The following NEB variants were observed in gnomAD, a reference collection of about 807,000 sequenced individuals.
NEB encodes nebulin.
NEB carries 512 observed loss-of-function variants against 952.2 expected under a neutral mutation model. The observed-to-expected ratio is 0.54, with a 90% CI of 0.50 to 0.58. NEB has a LOEUF of 0.58. Ranked by LOEUF, NEB falls within the 20% of genes least tolerant of loss-of-function variation. NEB has a pLI of 0.00. For synonymous variants in NEB, 2,900 were observed against 3,149.8 expected (o/e 0.92, Z 2.66); for missense variants, 8,428 against 9,231.1 (o/e 0.91, Z 3.56).
Position 151,679,827 on chromosome 2 carries a change from T to G in NEB, c.3149A>C (p.Asn1050Thr), listed in dbSNP as rs1162080002. ...AKVNAYNISENMYKADLKDLS... is the reference protein window; with the variant it reads ...AKVNAYNISETMYKADLKDLS... The stretch of plus-strand genomic sequence containing the variant: ...GTCTTTCAAGTCTGCTTTGTACATA[T>G]TCTGAAAGAAAAATGTCATTTAAGT... Residue 1050 changes from asparagine to threonine, a missense_variant and splice_region_variant, in exon 32 of 182, where the codon AAT becomes ACT. Physicochemically the swap from Asn to Thr is moderately conservative, Grantham distance 65. Transcript: ENST00000397345. 1 of 1,613,294 alleles carries G rather than the reference T, an allele frequency of 6.2e-7. No individual in the cohort carries two copies. Among genetic ancestry groups the G allele is most frequent in the East Asian group, 2.2e-5 (1 of 44,876 alleles).
In NEB at chr2:151,725,352, T is replaced by C. The variant is rs4300824; in HGVS notation, c.402+101A>G. ...AGATTTGTGAACTAGCTCATAGTAA[T>C]TCAACTGCTCATTCTCACAGCACAT... On this transcript the variant is annotated intron_variant, in intron 6 of 181. Transcript: ENST00000397345. 768,898 of 904,954 alleles carry C rather than the reference T, an allele frequency of 0.85. 334,622 individuals are homozygous for C. The highest frequency in any genetic ancestry group is 0.91 in the Non-Finnish European group (533,880 of 584,746). The allele number at this position is 904,954 out of a possible 1,614,324, so 56.1% of individuals were successfully genotyped here. A position where few individuals can be genotyped will look rare whatever the true frequency, so the allele number is the denominator to read the frequency against.
chr2:151,725,047 C>T, intron 6 of NEB, 86 bp from the exon 7 acceptor site: 2 of 989,642 alleles, frequency 2.0e-6, no homozygotes, highest in South Asian at 1.4e-5. Context: ...CAGAGCATTA[C>T]CCCAATGACT....
At chr2:151,542,745 T>C (rs996133582) in intron 135 of NEB, among the ~76,000 whole-genome samples, 4 of 152,148 alleles carry the variant, frequency 2.6e-5, no homozygotes, top group Admixed American at 6.5e-5. Context: ...CCCACGTGAG[T>C]CACCCATCTT....
chr2:151,527,883 T>C (rs1376551647), intron 146 of NEB, among the ~76,000 whole-genome samples: 1 of 152,138 alleles, frequency 6.6e-6, no homozygotes, highest in African/African-American at 2.4e-5. Flanking sequence ...CAGAATCGAG[T>C]ACTTTTAATT....
chr2:151,634,720 G>A (rs1195618056), intron 64 of NEB, among the ~76,000 whole-genome samples: 2 of 151,900 alleles, frequency 1.3e-5, no homozygotes, highest in East Asian at 3.9e-4. Flanking sequence ...AGCAACCGAG[G>A]AGAATTTATT....
intron 38 of NEB, 105 bp downstream of exon 38, chr2:151,670,918 G>T: frequency 8.3e-7 from 1 of 1,203,858 alleles, no homozygotes; most frequent in Non-Finnish European, 1.2e-6. Context: ...CAGTTTATTT[G>T]CTAACATAGA....
chr2:151,624,840 A>G (rs1401645624), intron 71 of NEB, among the ~76,000 whole-genome samples: 1 of 152,204 alleles, frequency 6.6e-6, no homozygotes, highest in Non-Finnish European at 1.5e-5. Flanking sequence ...CTATTTATGC[A>G]GCAGTATTTC....
intron 165 of NEB, among the ~76,000 whole-genome samples, chr2:151,504,115 C>T (rs979081182): frequency 1.3e-5 from 2 of 152,092 alleles, no homozygotes; most frequent in African/African-American, 4.8e-5. Context: ...CTCTCTGAGC[C>T]TCCTTAACTC....
Position 151,727,053 on chromosome 2 carries a change from T to TAAA in NEB, c.294+635_294+637dup, listed in dbSNP as rs796713907. On this transcript the variant is annotated intron_variant, in intron 5 of 181. Coordinates refer to ENST00000397345, the MANE Select transcript of NEB (RefSeq NM_001164508.2). ...GGCTACAGAGAAAGATTCTGTTTCT[T>TAAA]AAAAAAAAAAAAAAAAACCTTTCTG... Among the ~76,000 whole-genome samples, 424 of 124,834 alleles carry TAAA rather than the reference T, an allele frequency of 3.4e-3. 2 individuals carry two copies. Among genetic ancestry groups the TAAA allele is most frequent in the African/African-American group, 0.012 (390 of 33,714 alleles). The allele number at this position is 124,834 out of a possible 152,430, so 81.9% of individuals were successfully genotyped here.
chr2:151,717,386 G>T (rs761085771), intron 10 of NEB, 30 bp downstream of exon 10: 8 of 1,392,002 alleles, frequency 5.7e-6, no homozygotes, highest in Admixed American at 2.0e-5. Flanking sequence ...AGTCTTCAAG[G>T]GAGGCAATGT....
intron 167 of NEB, 106 bp downstream of exon 167, chr2:151,502,687 G>T (rs2153099239): frequency 1.4e-6 from 1 of 710,082 alleles, no homozygotes; most frequent in Middle Eastern, 3.8e-4. Flanking sequence ...GTAATATTTG[G>T]TATCATTATT....
At chr2:151,574,304 T>A (rs756460818) in intron 107 of NEB, among the ~76,000 whole-genome samples, 1 of 152,216 alleles carries the variant, frequency 6.6e-6, no homozygotes, top group Non-Finnish European at 1.5e-5. Context: ...TATATTAGCA[T>A]CAATGAGAAT....
rs2099173290 is a variant in NEB, at chr2:151,663,844, C to A, written c.5467G>T (p.Ala1823Ser). 6 of 1,613,472 alleles carry A rather than the reference C, an allele frequency of 3.7e-6. No individual in the cohort carries two copies. The highest frequency in any genetic ancestry group is 2.2e-5 in the East Asian group (1 of 44,878). ...DIASDYKYKKAYEQAKGKHIG... is the reference protein window; with the variant it reads ...DIASDYKYKKSYEQAKGKHIG... The stretch of plus-strand genomic sequence containing the variant: ...TGTTTCCCTTTGGCTTGTTCATAGG[C>A]TTTCTTGTATTTGTACTGTGGACAG... Residue 1823 changes from alanine (A) to serine (S), a missense_variant, in exon 45 of 182, where the codon GCC becomes TCC. This residue lies in a region of NEB where 2,851 missense variants were observed against 2,791.5 expected (regional missense o/e 1.02). Transcript: ENST00000397345.
chr2:151,539,943 GAA>G (rs1480305256), intron 138 of NEB, among the ~76,000 whole-genome samples: 1 of 152,154 alleles, frequency 6.6e-6, no homozygotes, highest in Non-Finnish European at 1.5e-5. Flanking sequence ...CCACATATAT[GAA>G]AAGAGACTCG....
intron 76 of NEB, 183 bp downstream of exon 76, chr2:151,615,819 G>T (rs1179612883): frequency 7.4e-6 from 4 of 542,168 alleles, no homozygotes; most frequent in African/African-American, 2.0e-5. Flanking sequence ...TTGATTGATG[G>T]GTATAATGGG....
intron 121 of NEB, among the ~76,000 whole-genome samples, chr2:151,561,773 T>C (rs947343116): frequency 5.9e-5 from 9 of 152,116 alleles, no homozygotes; most frequent in Admixed American, 2.6e-4. Flanking sequence ...CCAAAACTTA[T>C]CTACCTGTAA....
chr2:151,577,741 G>C (rs756177723), intron 105 of NEB, among the ~76,000 whole-genome samples: 9 of 152,054 alleles, frequency 5.9e-5, no homozygotes, highest in African/African-American at 1.9e-4. Context: ...ACCACGCCAG[G>C]CTAATTTTTG....
intron 54 of NEB, among the ~76,000 whole-genome samples, chr2:151,647,368 C>T (rs1467454551): frequency 1.3e-5 from 2 of 152,074 alleles, no homozygotes; most frequent in Non-Finnish European, 2.9e-5. Flanking sequence ...CCTCGGCCTC[C>T]CAAAGTGCTG....
At chr2:151,729,467 C>T in intron 4 of NEB, 148 bp downstream of exon 4, 1 of 895,844 alleles carries the variant, frequency 1.1e-6, no homozygotes, top group Non-Finnish European at 1.7e-6. Context: ...TTTGTGCTTT[C>T]ACACCAGCTT....
Sources: allele counts gnomAD v4.1 joint callset (sites outside exome capture counted in the v4.1 genomes callset), GRCh38; gene constraint gnomAD v4.1.1; regional missense constraint gnomAD v4.1.1; transcripts MANE v1.5; gene names NCBI Gene and HGNC (gene_info 2026-07-23, HGNC 2026-07-21).